The following GTF2I variants were observed in gnomAD, a reference collection of about 807,000 sequenced individuals.
GTF2I encodes the protein general transcription factor II-I.
GTF2I carries 12 observed loss-of-function variants against 67.6 expected under a neutral mutation model. That is an observed-to-expected ratio of 0.18 (90% CI 0.11 to 0.29). The LOEUF is 0.29. Among genes scored for constraint, GTF2I ranks in the 10% least tolerant of loss-of-function variants. The pLI is 1.00. For synonymous variants in GTF2I, 149 were observed against 197.0 expected (o/e 0.76, Z 2.04); for missense variants, 271 against 580.1 (o/e 0.47, Z 5.47).
chr7:74,690,551 G>C (rs587598811), intron 2 of GTF2I, among the ~76,000 whole-genome samples: 93 of 152,224 alleles, frequency 6.1e-4, no homozygotes, highest in African/African-American at 2.1e-3. Context: ...TTGTACTGAG[G>C]GCACTAATTG....
At chr7:74,681,564 A>G (rs1010325263) in intron 1 of GTF2I, among the ~76,000 whole-genome samples, 4 of 152,210 alleles carry the variant, frequency 2.6e-5, no homozygotes, top group Admixed American at 2.0e-4. Flanking sequence ...ACCAGCCCAC[A>G]GTAATTGGGT....
chr7:74,710,706 C>T (rs1791432976), intron 8 of GTF2I, among the ~76,000 whole-genome samples: 1 of 152,032 alleles, frequency 6.6e-6, no homozygotes, highest in African/African-American at 2.4e-5. Flanking sequence ...AAGTGTGTTT[C>T]AATGGTTTAT....
chr7:74,668,702 T>C (rs1554389513), intron 1 of GTF2I, among the ~76,000 whole-genome samples: 1 of 151,566 alleles, frequency 6.6e-6, no homozygotes, highest in African/African-American at 2.4e-5. Context: ...GCCACCTGAG[T>C]AGCTGGGATT....
At chr7:74,703,135 G>T (rs1584201062) in intron 6 of GTF2I, among the ~76,000 whole-genome samples, 2 of 151,694 alleles carry the variant, frequency 1.3e-5, no homozygotes, top group East Asian at 3.9e-4. Flanking sequence ...ATTGAGTCTT[G>T]TTTTTTATAT....
chr7:74,659,785 C>T (rs1804305379), intron 1 of GTF2I, among the ~76,000 whole-genome samples: 1 of 152,148 alleles, frequency 6.6e-6, no homozygotes, highest in African/African-American at 2.4e-5. Context: ...TCTGGTGATC[C>T]TCCCGTTTAG....
chr7:74,695,996 A>AT (rs782499083), intron 3 of GTF2I, among the ~76,000 whole-genome samples: 470 of 144,010 alleles, frequency 3.3e-3, no homozygotes, highest in Middle Eastern at 0.011. Flanking sequence ...ATTGCTAATA[A>AT]TTTTTTTTTT....
intron 8 of GTF2I, among the ~76,000 whole-genome samples, chr7:74,708,508 T>C (rs782172763): frequency 6.6e-6 from 1 of 152,106 alleles, no homozygotes; most frequent in Non-Finnish European, 1.5e-5. Flanking sequence ...TCTGGTAGTG[T>C]TGGAGACATT....
chr7:74,685,884 T>G (rs1787682070), intron 1 of GTF2I, among the ~76,000 whole-genome samples: 1 of 149,958 alleles, frequency 6.7e-6, no homozygotes, highest in South Asian at 2.1e-4. Context: ...AAAACCCGTC[T>G]CTACTAAAAA....
intron 1 of GTF2I, among the ~76,000 whole-genome samples, chr7:74,678,551 T>C (rs1786905422): frequency 6.6e-6 from 1 of 152,004 alleles, no homozygotes; most frequent in Non-Finnish European, 1.5e-5. Flanking sequence ...AATAAAATAA[T>C]GGGCCTGGTG....
chr7:74,703,799 A>G (rs782078201), intron 6 of GTF2I, among the ~76,000 whole-genome samples: 5 of 152,186 alleles, frequency 3.3e-5, no homozygotes, highest in Admixed American at 6.5e-5. Flanking sequence ...ATTTAGATCT[A>G]TGGTTCATTT....
chr7:74,668,899 ATACAT>A (rs1805211468), intron 1 of GTF2I, among the ~76,000 whole-genome samples: 1 of 151,804 alleles, frequency 6.6e-6, no homozygotes, highest in African/African-American at 2.4e-5. Flanking sequence ...ATTTTTAAAA[ATACAT>A]TAATTTATTT....
At chr7:74,675,892 C>T (rs1162892315) in intron 1 of GTF2I, among the ~76,000 whole-genome samples, 2 of 152,106 alleles carry the variant, frequency 1.3e-5, no homozygotes, top group Admixed American at 6.6e-5. Flanking sequence ...CGCCTATAGT[C>T]CCAGCTACGC....
At chr7:74,700,688 T>A in intron 6 of GTF2I, 54 bp downstream of exon 6, 1 of 1,458,100 alleles carries the variant, frequency 6.9e-7, no homozygotes, top group African/African-American at 1.4e-5. Context: ...TTTGCTAGAT[T>A]TTCATACACT....
At position 74,732,660 on chromosome 7, in the gene GTF2I, G is replaced by C. The variant is rs1562983524; in HGVS notation, c.1302G>C (p.Lys434Asn). The C allele has an allele frequency of 1.3e-6, 2 of 1,560,992 alleles. No homozygotes were observed. Among genetic ancestry groups the C allele is most frequent in the Non-Finnish European group, 1.7e-6 (2 of 1,159,618 alleles). ...AGGAAAGGATTCGTTTTGTGATTAA[G>C]AAGTAAGACTCTTGGATTCCTGTTG... The part of the protein sequence containing the change: ...LAKERIRFVI[K>N]KHELLNSTRE... Residue 434 changes from lysine to asparagine, a missense_variant and splice_region_variant, in exon 15 of 35, where the codon AAG (lysine) becomes AAC (asparagine). Coordinates refer to ENST00000573035, the MANE Select transcript of GTF2I (RefSeq NM_032999.4).
At chr7:74,665,039 A>C (rs1804850084) in intron 1 of GTF2I, among the ~76,000 whole-genome samples, 1 of 150,608 alleles carries the variant, frequency 6.6e-6, no homozygotes, top group Non-Finnish European at 1.5e-5. Flanking sequence ...TACTGGGTTC[A>C]AGCGATTTTC....
chr7:74,726,935 G>GATAA (rs1554405827), intron 12 of GTF2I: 1 of 151,722 alleles, frequency 6.6e-6, no homozygotes, highest in Non-Finnish European at 1.5e-5. Flanking sequence ...TAGATAGATA[G>GATAA]ATAGATAGAA....
intron 9 of GTF2I, among the ~76,000 whole-genome samples, chr7:74,713,440 G>C (rs141293427): frequency 2.2e-4 from 33 of 152,228 alleles, no homozygotes; most frequent in African/African-American, 7.2e-4. Flanking sequence ...ATGCTAAATA[G>C]AATATTTTCA....
chr7:74,666,406 T>C (rs1554388527), intron 1 of GTF2I, among the ~76,000 whole-genome samples: 2 of 152,130 alleles, frequency 1.3e-5, no homozygotes, highest in African/African-American at 4.8e-5. Context: ...TGTGAGATAA[T>C]TTGACAGAGG....
intron 9 of GTF2I, 87 bp downstream of exon 9, chr7:74,711,196 A>G: frequency 1.7e-6 from 1 of 603,768 alleles, no homozygotes; most frequent in Non-Finnish European, 2.9e-6. Flanking sequence ...AATTTCTTAA[A>G]TAATATTTTA....
Sources: allele counts gnomAD v4.1 joint callset (sites outside exome capture counted in the v4.1 genomes callset), GRCh38; gene constraint gnomAD v4.1.1; transcripts MANE v1.5; gene names NCBI Gene and HGNC (gene_info 2026-07-23, HGNC 2026-07-21).